TARS3: variants seen among roughly 807,000 people sequenced by gnomAD.
TARS3 encodes threonine--tRNA ligase 2, cytoplasmic.
TARS3 carries 94 observed loss-of-function variants against 103.5 expected under a neutral mutation model. That is an observed-to-expected ratio of 0.91 (90% CI 0.77 to 1.08). The LOEUF (loss-of-function observed/expected upper bound fraction) is 1.08. Among genes scored for constraint, TARS3 ranks in the 50% least tolerant of loss-of-function variants. The probability of loss-of-function intolerance (pLI) is 0.00; values close to 1 mark genes in which losing one functional copy is unlikely to be tolerated. For synonymous variants in TARS3, 416 were observed against 355.4 expected, an observed-to-expected ratio of 1.17 and a Z score of -1.92; for missense variants, 952 against 995.2, an observed-to-expected ratio of 0.96 and a Z score of 0.58.
Position 101,724,118 on chromosome 15 carries a change from T to C in TARS3, c.270A>G (p.Leu90=). ...GTGCGCCGGCCTCCTGCGCCGCCTC[T>C]AGCTCCGCGCTCTCCAGCGTGGCCT... ...SRQATLESAE[L]EAAQEAGAQP... is the part of the protein sequence containing the mutation. Residue 90 remains leucine, a synonymous_variant, in exon 1 of 19, where the codon CTA becomes CTG. Transcript: ENST00000335968. 7.1e-7 allele frequency: 1 copy of C among 1,404,118 alleles called. No homozygotes were observed. The highest frequency in any genetic ancestry group is 1.5e-5 in the African/African-American group (1 of 66,860). 87.0% of individuals were successfully genotyped at this position (1,404,118 alleles called of 1,614,324 possible). A position where few individuals can be genotyped will look rare whatever the true frequency, so the allele number is the denominator to read the frequency against.
At chr15:101,657,229 C>T (rs1897226254) in intron 17 of TARS3, among the ~76,000 whole-genome samples, 193 bp from the exon 18 acceptor site, 1 of 152,242 alleles carries the variant, frequency 6.6e-6, no homozygotes, top group African/African-American at 2.4e-5. Context: ...TAAAAGGCTG[C>T]AGCTCCCATC....
At chr15:101,692,068 TG>T (rs1898751593) in intron 10 of TARS3, among the ~76,000 whole-genome samples, 1 of 152,258 alleles carries the variant, frequency 6.6e-6, no homozygotes, top group African/African-American at 2.4e-5. Context: ...GTTCTGTTTC[TG>T]TGGAGAATCC....
chr15:101,680,997 T>C (rs1245850958), intron 12 of TARS3, among the ~76,000 whole-genome samples: 1 of 152,200 alleles, frequency 6.6e-6, no homozygotes, highest in Non-Finnish European at 1.5e-5. Flanking sequence ...TGAATCCTCA[T>C]ACCTCATGTT....
At chr15:101,721,022 A>G (rs1486341494) in intron 3 of TARS3, 104 bp downstream of exon 3, 1 of 914,822 alleles carries the variant, frequency 1.1e-6, no homozygotes, top group Non-Finnish European at 1.6e-6. Context: ...TCCTTTTAGT[A>G]TCGTGAGAAT....
intron 3 of TARS3, among the ~76,000 whole-genome samples, chr15:101,715,691 T>C (rs943086206): frequency 6.6e-6 from 1 of 152,228 alleles, no homozygotes; most frequent in African/African-American, 2.4e-5. Flanking sequence ...GGAAGTATTG[T>C]ATTTATTAAT....
intron 12 of TARS3, among the ~76,000 whole-genome samples, chr15:101,679,739 G>A (rs1165607119): frequency 6.6e-6 from 1 of 152,100 alleles, no homozygotes; most frequent in East Asian, 1.9e-4. Context: ...TAAGCCTCTG[G>A]ATCTTAAATG....
At chr15:101,707,399 G>C (rs554195443) in intron 6 of TARS3, among the ~76,000 whole-genome samples, 1 of 152,286 alleles carries the variant, frequency 6.6e-6, no homozygotes, top group African/African-American at 2.4e-5. Flanking sequence ...GTTCACAGCA[G>C]CGCTGTTCAC....
At chr15:101,715,761 A>G (rs887327894) in intron 3 of TARS3, among the ~76,000 whole-genome samples, 2 of 152,176 alleles carry the variant, frequency 1.3e-5, no homozygotes, top group Non-Finnish European at 2.9e-5. Context: ...AGTATATCAC[A>G]CAGACATCTG....
rs80164232 is a variant in TARS3 at position 101,678,363 on chromosome 15, C to A, written c.1651-2626G>T. On this transcript the variant is annotated intron_variant, in intron 12 of 18. Transcript: ENST00000335968. ...ACACTTAATATGTTAGGGCTTTACA[C>A]TGCCTTTTTGTTTCCTTCTTGTTCT... Among the ~76,000 whole-genome samples the A allele has an allele frequency of 5.2e-3, 794 of 152,296 alleles. 5 individuals are homozygous for A. Among genetic ancestry groups the A allele is most frequent in the African/African-American group, 0.016 (684 of 41,552 alleles).
chr15:101,721,069 C>T, intron 3 of TARS3, 57 bp downstream of exon 3: 2 of 1,457,198 alleles, frequency 1.4e-6, no homozygotes, highest in Non-Finnish European at 1.9e-6. Flanking sequence ...AAAACATTTT[C>T]ACCAGGCTTC....
chr15:101,708,716 TG>T, intron 6 of TARS3, 76 bp downstream of exon 6: 1 of 961,092 alleles, frequency 1.0e-6, no homozygotes, highest in Non-Finnish European at 1.7e-6. Flanking sequence ...GGTAATTATT[TG>T]GGGGAAGGTG....
intron 10 of TARS3, chr15:101,699,359 C>G (rs1899139754): frequency 1.1e-5 from 5 of 455,332 alleles, no homozygotes; most frequent in South Asian, 7.8e-5. Flanking sequence ...TGGGTTTGTG[C>G]ATTTAAGTGC....
At chr15:101,714,743 A>C in intron 4 of TARS3, 97 bp downstream of exon 4, 1 of 1,180,648 alleles carries the variant, frequency 8.5e-7, no homozygotes. Context: ...AACCCCCAAA[A>C]AACTCAACAT....
intron 15 of TARS3, among the ~76,000 whole-genome samples, chr15:101,664,777 AAAC>A (rs1897514168): frequency 6.6e-6 from 1 of 152,248 alleles, no homozygotes; most frequent in African/African-American, 2.4e-5. Context: ...AAGAAAAGAC[AAAC>A]AACAGTCCAG....
rs1317039103 is a variant in TARS3 at position 101,671,612 on chromosome 15, G to A, written c.1867-26C>T. The A allele has an allele frequency of 1.9e-6, 3 of 1,609,424 alleles. No individual in the cohort carries two copies. The South Asian group carries it at 3.3e-5, about 18-fold the overall frequency. On this transcript the variant is annotated intron_variant, in intron 14 of 18. Coordinates refer to ENST00000335968, the MANE Select transcript of TARS3 (RefSeq NM_152334.3). ...CTACAAATTAAATAATGTTTGCTCA[G>A]AAAAGAGTATTTATTTTTCTTTTAC...
intron 15 of TARS3, among the ~76,000 whole-genome samples, chr15:101,667,327 A>G (rs1897618967): frequency 6.6e-6 from 1 of 152,206 alleles, no homozygotes; most frequent in Non-Finnish European, 1.5e-5. Flanking sequence ...CACCAGCTGC[A>G]TTAGCTCCTA....
At chr15:101,668,693 G>GTA (rs143632418) in intron 15 of TARS3, among the ~76,000 whole-genome samples, 7 of 151,814 alleles carry the variant, frequency 4.6e-5, no homozygotes, top group East Asian at 1.9e-4. Context: ...AGCTGTGCCT[G>GTA]TATATATATA....
At chr15:101,691,583 T>C (rs1383858766) in intron 10 of TARS3, among the ~76,000 whole-genome samples, 1 of 152,212 alleles carries the variant, frequency 6.6e-6, no homozygotes, top group Non-Finnish European at 1.5e-5. Flanking sequence ...CCCAGCCTTT[T>C]AAATTTTCTT....
At chr15:101,672,815 ACT>A (rs1370669995) in intron 13 of TARS3, among the ~76,000 whole-genome samples, 8 of 152,100 alleles carry the variant, frequency 5.3e-5, no homozygotes, top group Admixed American at 4.6e-4. Flanking sequence ...CCCCTGTTCC[ACT>A]CTGTTTCTCA....
Sources: gnomAD v4.1 joint callset for allele counts (sites outside exome capture counted in the v4.1 genomes callset) on GRCh38, gnomAD v4.1.1 for gene constraint, MANE v1.5 for transcripts, NCBI Gene and HGNC (gene_info 2026-07-23, HGNC 2026-07-21) for gene names.